Variants in TFAP2B observed in about 807,000 individuals in gnomAD.
TFAP2B encodes the protein transcription factor AP-2 beta.
Under a neutral mutation model 44.3 loss-of-function variants are expected in TFAP2B, and 9 were observed. The ratio of observed to expected loss-of-function variants is 0.20; its 90% confidence interval spans 0.12 to 0.35. The LOEUF (loss-of-function observed/expected upper bound fraction) is 0.35, where lower values mean the gene tolerates loss of function less well. TFAP2B is among the 10% of genes least tolerant of loss of function. The pLI, the probability that TFAP2B is intolerant of heterozygous loss-of-function variation, is 1.00. For missense variants in TFAP2B, 509 were observed against 600.0 expected (o/e 0.85, Z 1.59); for synonymous variants, 270 against 263.8 (o/e 1.02, Z -0.23).
At position 50,828,652 on chromosome 6, in the gene TFAP2B, C is replaced by G; in HGVS notation, c.574C>G (p.Leu192Val). The G allele has an allele frequency of 6.2e-7, 1 of 1,614,046 alleles. No individual in the cohort carries two copies. Among genetic ancestry groups the G allele is most frequent in the Non-Finnish European group, 8.5e-7 (1 of 1,179,968 alleles). ...VEDANNSGMN[L>V]LDQSVIKKVP... Reference sequence around the variant, plus strand: ...AGATGCCAATAACAGCGGCATGAATCTATTGGACCAGTCTGTCATTAAAAA... The same window carrying G: ...AGATGCCAATAACAGCGGCATGAATGTATTGGACCAGTCTGTCATTAAAAA... The change falls in exon 3 of 7, where the codon CTA becomes GTA. Residue 192 changes from leucine to valine, a missense_variant. This residue lies in a region of TFAP2B where 296 missense variants were observed against 308.2 expected (regional missense o/e 0.96). Transcript: ENST00000393655.
chr6:50,845,095 C>T lies in TFAP2B; in HGVS notation c.*1703C>T, dbSNP rs1325558005. 1 of 152,114 alleles carries T rather than the reference C, an allele frequency of 6.6e-6. No individual in the cohort carries two copies. Among genetic ancestry groups the T allele is most frequent in the Non-Finnish European group, 1.5e-5 (1 of 68,032 alleles). 9.4% of individuals were successfully genotyped at this position (152,114 alleles called of 1,614,324 possible). ...TAAGATCTGGAATCCATTGTCTGCACCTCCGCAAAAGCAGTGAGAAATTAT... is the reference window on the plus strand; with the variant it reads ...TAAGATCTGGAATCCATTGTCTGCATCTCCGCAAAAGCAGTGAGAAATTAT... On this transcript the variant is annotated 3_prime_UTR_variant, in exon 7 of 7. Coordinates refer to ENST00000393655, the MANE Select transcript of TFAP2B (RefSeq NM_003221.4).
At chr6:50,834,571 T>C (rs1228271221) in intron 3 of TFAP2B, among the ~76,000 whole-genome samples, 1 of 152,194 alleles carries the variant, frequency 6.6e-6, no homozygotes, top group African/African-American at 2.4e-5. Context: ...TCTAAACAAC[T>C]ATGGAGGTTT....
At chr6:50,836,593 G>C (rs1418572843) in intron 4 of TFAP2B, among the ~76,000 whole-genome samples, 1 of 152,106 alleles carries the variant, frequency 6.6e-6, no homozygotes, top group Non-Finnish European at 1.5e-5. Context: ...CTCTCTTCCT[G>C]TCACCCCTAG....
intron 3 of TFAP2B, among the ~76,000 whole-genome samples, chr6:50,831,382 A>T (rs1383808351): frequency 6.6e-6 from 1 of 152,132 alleles, no homozygotes; most frequent in Non-Finnish European, 1.5e-5. Context: ...ATCTGCAGGG[A>T]CCGTGGCCCC....
intron 1 of TFAP2B, among the ~76,000 whole-genome samples, chr6:50,819,854 A>AGAGGCGGGCGAGGTGGGAGAGGCGGCC (rs1770282450): frequency 8.8e-6 from 1 of 113,926 alleles, no homozygotes; most frequent in Non-Finnish European, 1.9e-5. Context: ...GCGAGGTGGG[A>AGAGGCGGGCGAGGTGGGAGAGGCGGCC]GAGGCGGGCG....
intron 4 of TFAP2B, among the ~76,000 whole-genome samples, chr6:50,837,531 C>T (rs1190465627): frequency 1.3e-5 from 2 of 152,150 alleles, no homozygotes; most frequent in African/African-American, 2.4e-5. Flanking sequence ...CTCTTGACCC[C>T]TTCCTCACAA....
chr6:50,828,786 T>TC, intron 3 of TFAP2B, 107 bp downstream of exon 3: 2 of 1,330,712 alleles, frequency 1.5e-6, no homozygotes, highest in Non-Finnish European at 2.2e-6. Flanking sequence ...GACATAAATG[T>TC]TTGTTCACAA....
chr6:50,835,942 C>T (rs1762611430), intron 3 of TFAP2B, 119 bp from the exon 4 acceptor site: 1 of 857,216 alleles, frequency 1.2e-6, no homozygotes, highest in Admixed American at 1.7e-5. Flanking sequence ...ATAAACACTT[C>T]CTCCCTCAGC....
chr6:50,843,146 G>C lies in TFAP2B; in HGVS notation c.1137G>C (p.Gly379=). ...DLLAQDRTPI[G]NSRPSPILEP... ...TGGCGCAGGACCGGACACCGATAGGGAACAGCCGACCCAGCCCCATCCTGG... is the reference window on the plus strand; with the variant it reads ...TGGCGCAGGACCGGACACCGATAGGCAACAGCCGACCCAGCCCCATCCTGG... Residue 379 remains glycine (G), a synonymous_variant, in exon 7 of 7, where the codon GGG becomes GGC. Coordinates refer to ENST00000393655, the MANE Select transcript of TFAP2B (RefSeq NM_003221.4). 1.2e-6 allele frequency: 2 copies of C among 1,614,216 alleles called. No homozygotes were observed. The highest frequency in any genetic ancestry group is 1.7e-6 in the Non-Finnish European group (2 of 1,180,044).
At chr6:50,822,259 G>A (rs993806497) in intron 1 of TFAP2B, 2 of 1,047,690 alleles carry the variant, frequency 1.9e-6, no homozygotes, top group East Asian at 1.2e-4. Context: ...CACACTCTCT[G>A]TCTCTCTCTG....
intron 6 of TFAP2B, 95 bp from the exon 7 acceptor site, chr6:50,842,997 C>T (rs1762762724): frequency 6.5e-7 from 1 of 1,532,428 alleles, no homozygotes; most frequent in African/African-American, 1.4e-5. Context: ...TCTTCGGTGA[C>T]CCGGCGCCTC....
chr6:50,829,129 CTA>C (rs535020935), intron 3 of TFAP2B, among the ~76,000 whole-genome samples: 76 of 152,208 alleles, frequency 5.0e-4, no homozygotes, highest in African/African-American at 1.7e-3. Flanking sequence ...TCCCAGTTCT[CTA>C]TGTTTTATGA....
At chr6:50,824,012 C>CT (rs1368402806) in intron 2 of TFAP2B, 147 bp downstream of exon 2, 10 of 907,722 alleles carry the variant, frequency 1.1e-5, no homozygotes, top group Admixed American at 2.0e-5. Context: ...TCATATAGAA[C>CT]TGTTTATGTG....
intron 3 of TFAP2B, among the ~76,000 whole-genome samples, chr6:50,833,126 G>A (rs142613404): frequency 3.3e-5 from 5 of 152,300 alleles, no homozygotes; most frequent in East Asian, 1.9e-4. Flanking sequence ...TCCTGCTGTC[G>A]CTTTAAACCT....
chr6:50,824,322 A>G (rs540224489), intron 2 of TFAP2B, among the ~76,000 whole-genome samples: 1 of 152,330 alleles, frequency 6.6e-6, no homozygotes, highest in Non-Finnish European at 1.5e-5. Context: ...TTCAGAATGA[A>G]GTTCCAGGGG....
At chr6:50,841,235 C>CA (rs1215568072) in intron 6 of TFAP2B, among the ~76,000 whole-genome samples, 1 of 152,188 alleles carries the variant, frequency 6.6e-6, no homozygotes, top group Non-Finnish European at 1.5e-5. Flanking sequence ...CTCCCCAGTT[C>CA]AGAATGTCTT....
chr6:50,830,060 C>A (rs970319754), intron 3 of TFAP2B, among the ~76,000 whole-genome samples: 1 of 152,168 alleles, frequency 6.6e-6, no homozygotes, highest in African/African-American at 2.4e-5. Context: ...ACTGTGCTGA[C>A]TGACAGCTCA....
chr6:50,837,896 G>A, intron 4 of TFAP2B, 79 bp from the exon 5 acceptor site: 1 of 1,158,064 alleles, frequency 8.6e-7, no homozygotes. Flanking sequence ...AAGCTCCACT[G>A]GGCTTTAGAT....
At chr6:50,834,811 AT>A (rs755171142) in intron 3 of TFAP2B, among the ~76,000 whole-genome samples, 1 of 152,166 alleles carries the variant, frequency 6.6e-6, no homozygotes, top group Non-Finnish European at 1.5e-5. Flanking sequence ...GTTTCCAAAG[AT>A]TTTTTGGACT....
Sources: allele counts gnomAD v4.1 joint callset (sites outside exome capture counted in the v4.1 genomes callset), GRCh38; gene constraint gnomAD v4.1.1; regional missense constraint gnomAD v4.1.1; transcripts MANE v1.5; gene names NCBI Gene and HGNC (gene_info 2026-07-23, HGNC 2026-07-21).